NOL4: variants seen among roughly 807,000 people sequenced by gnomAD.
The protein encoded by NOL4 is cancer/testis antigen 125.
Under a neutral mutation model 75.9 loss-of-function variants are expected in NOL4, and 17 were observed. That is an observed-to-expected ratio of 0.22 (90% confidence interval 0.15 to 0.34). The LOEUF is 0.34. Ranked by LOEUF, NOL4 falls within the 10% of genes least tolerant of loss-of-function variation. NOL4 has a pLI of 1.00. For synonymous variants in NOL4, 292 were observed against 289.9 expected (o/e 1.01, Z -0.07); for missense variants, 614 against 793.5 (o/e 0.77, Z 2.72).
At chr18:34,203,998 GAC>G (rs899717792) in intron 1 of NOL4, among the ~76,000 whole-genome samples, 19 of 152,066 alleles carry the variant, frequency 1.2e-4, no homozygotes, top group African/African-American at 4.3e-4. Flanking sequence ...GTGCTGATAA[GAC>G]AGTGTAGACA....
intron 6 of NOL4, among the ~76,000 whole-genome samples, chr18:33,974,783 G>C (rs1353958940): frequency 6.6e-6 from 1 of 151,970 alleles, no homozygotes; most frequent in Non-Finnish European, 1.5e-5. Flanking sequence ...TATCTGTGAA[G>C]TACAATAACT....
At chr18:34,135,541 C>CA (rs1178500895) in intron 1 of NOL4, among the ~76,000 whole-genome samples, 2 of 151,310 alleles carry the variant, frequency 1.3e-5, no homozygotes, top group Non-Finnish European at 2.9e-5. Flanking sequence ...ACTAAAAATA[C>CA]AAAAAATTAG....
intron 2 of NOL4, among the ~76,000 whole-genome samples, chr18:34,118,549 C>A (rs1451804876): frequency 6.6e-6 from 1 of 152,168 alleles, no homozygotes; most frequent in Non-Finnish European, 1.5e-5. Flanking sequence ...CGGCCTCTAT[C>A]TGAGGAAAAT....
chr18:34,218,391 G>A (rs1049605643), intron 1 of NOL4, among the ~76,000 whole-genome samples: 1 of 152,118 alleles, frequency 6.6e-6, no homozygotes, highest in Non-Finnish European at 1.5e-5. Context: ...AGAACCAACG[G>A]AAAAATAAAA....
At chr18:34,110,553 T>G (rs1033624699) in intron 2 of NOL4, among the ~76,000 whole-genome samples, 1 of 152,206 alleles carries the variant, frequency 6.6e-6, no homozygotes, top group African/African-American at 2.4e-5. Context: ...AAAAGCCATA[T>G]GTAACAAGCC....
At chr18:33,972,490 T>G (rs1242307288) in intron 6 of NOL4, among the ~76,000 whole-genome samples, 2 of 152,164 alleles carry the variant, frequency 1.3e-5, no homozygotes, top group African/African-American at 2.4e-5. Flanking sequence ...GTGGAAAAGT[T>G]GGAACCCTTG....
rs149023722 is a variant in NOL4 at position 34,177,619 on chromosome 18, C to T, written c.264+45371G>A. Among the ~76,000 whole-genome samples, 468 of 151,634 alleles carry T rather than the reference C, an allele frequency of 3.1e-3. 5 individuals carry two copies. Among genetic ancestry groups the T allele is most frequent in the African/African-American group, 0.011 (452 of 41,404 alleles). ...GGCTAGGCTGCTATTAGGTTTTTCG[C>T]GGGATGTTTTCAAGAAGATAGAGTT... On this transcript the variant is annotated intron_variant, in intron 1 of 10. Coordinates refer to ENST00000261592, the MANE Select transcript of NOL4 (RefSeq NM_003787.5).
intron 6 of NOL4, among the ~76,000 whole-genome samples, chr18:34,006,914 T>C (rs765539825): frequency 2.0e-5 from 3 of 151,956 alleles, no homozygotes; most frequent in East Asian, 3.9e-4. Context: ...GTGTCTTTGA[T>C]AGCAGGATTT....
intron 5 of NOL4, among the ~76,000 whole-genome samples, chr18:34,026,468 C>A (rs2144584209): frequency 6.6e-6 from 1 of 152,260 alleles, no homozygotes; most frequent in South Asian, 2.1e-4. Context: ...TGGGAGCCGC[C>A]TCTTTCTGTT....
chr18:34,209,986 TTCTA>T (rs2036402587), intron 1 of NOL4, among the ~76,000 whole-genome samples: 1 of 152,212 alleles, frequency 6.6e-6, no homozygotes, highest in Non-Finnish European at 1.5e-5. Flanking sequence ...TAATTCATAG[TTCTA>T]TGGCTGACCA....
chr18:34,142,347 T>C (rs1233917532), intron 1 of NOL4, among the ~76,000 whole-genome samples: 4 of 152,236 alleles, frequency 2.6e-5, no homozygotes, highest in Non-Finnish European at 5.9e-5. Flanking sequence ...ACCCAAAGGA[T>C]TATAAATCAT....
intron 2 of NOL4, among the ~76,000 whole-genome samples, chr18:34,117,243 C>G (rs1450040186): frequency 6.6e-6 from 1 of 152,126 alleles, no homozygotes; most frequent in Non-Finnish European, 1.5e-5. Context: ...GATGAGGGAG[C>G]TAAGCTTCAG....
chr18:33,999,499 C>T (rs1056967959), intron 6 of NOL4, among the ~76,000 whole-genome samples: 1 of 151,692 alleles, frequency 6.6e-6, no homozygotes, highest in Non-Finnish European at 1.5e-5. Context: ...TTTTATAGGT[C>T]AATGTTTATT....
chr18:34,055,483 T>C (rs1190929182), intron 5 of NOL4, among the ~76,000 whole-genome samples: 5 of 152,182 alleles, frequency 3.3e-5, no homozygotes, highest in Non-Finnish European at 2.9e-5. Flanking sequence ...GATAATCTTA[T>C]AGAGGCTATA....
chr18:34,006,626 C>T (rs1270363477), intron 6 of NOL4, among the ~76,000 whole-genome samples: 1 of 152,030 alleles, frequency 6.6e-6, no homozygotes, highest in Non-Finnish European at 1.5e-5. Flanking sequence ...ATCCATGAAC[C>T]TACAGAATGC....
chr18:33,882,371 C>G (rs1302118520), intron 10 of NOL4, among the ~76,000 whole-genome samples: 1 of 152,106 alleles, frequency 6.6e-6, no homozygotes, highest in African/African-American at 2.4e-5. Context: ...AAAAAACAAA[C>G]AACCCCACCA....
At chr18:34,222,327 G>C in intron 1 of NOL4, 2 of 1,262,372 alleles carry the variant, frequency 1.6e-6, no homozygotes, top group Non-Finnish European at 2.0e-6. Context: ...GTGGAAGAGG[G>C]AAGTGAGGAA....
At chr18:33,880,621 G>T (rs756693596) in intron 10 of NOL4, among the ~76,000 whole-genome samples, 1 of 151,870 alleles carries the variant, frequency 6.6e-6, no homozygotes, top group African/African-American at 2.4e-5. Flanking sequence ...AGACCCATGC[G>T]TCCTTTCCAT....
chr18:34,001,349 A>G (rs2073690788), intron 6 of NOL4, among the ~76,000 whole-genome samples: 1 of 152,170 alleles, frequency 6.6e-6, no homozygotes, highest in South Asian at 2.1e-4. Context: ...ACGCAATTCC[A>G]AACTACATAA....
Sources: gnomAD v4.1 joint callset for allele counts (sites outside exome capture counted in the v4.1 genomes callset) on GRCh38, gnomAD v4.1.1 for gene constraint, MANE v1.5 for transcripts, NCBI Gene and HGNC (gene_info 2026-07-23, HGNC 2026-07-21) for gene names.